MASTL: variants seen among roughly 807,000 people sequenced by gnomAD.
MASTL encodes the protein microtubule associated serine/threonine kinase like, also known as serine/threonine-protein kinase greatwall.
A neutral mutation model predicts 82.5 loss-of-function variants in MASTL; 54 were observed. That is an observed-to-expected ratio of 0.65 (90% CI 0.53 to 0.82). MASTL has a LOEUF of 0.82. Ranked by LOEUF, MASTL falls within the 40% of genes least tolerant of loss-of-function variation. MASTL has a pLI of 0.00. For missense variants in MASTL, 950 were observed against 1,047.8 expected (o/e 0.91, Z 1.29); for synonymous variants, 323 against 368.9 (o/e 0.88, Z 1.43).
At chr10:27,156,922 C>T (rs752271746) in intron 1 of MASTL, among the ~76,000 whole-genome samples, 21 of 146,730 alleles carry the variant, frequency 1.4e-4, no homozygotes, top group Admixed American at 3.4e-4. Context: ...GAGTCTCCTG[C>T]CTCAGCCTCC....
At chr10:27,177,757 TA>T in intron 9 of MASTL, 1 of 791,924 alleles carries the variant, frequency 1.3e-6, no homozygotes, top group Non-Finnish European at 1.5e-6. Context: ...GGGACTCTAA[TA>T]ATTTTAATAC....
In MASTL at chr10:27,165,403, A is replaced by T. The variant is rs1314576540; in HGVS notation, c.675A>T (p.Ala225=). 2 of 1,614,186 alleles carry T rather than the reference A, an allele frequency of 1.2e-6. No homozygotes were observed. The part of the protein sequence containing the change: ...ISSLGFNTPI[A]EKNQDPANIL... Reference sequence around the variant, plus strand: ...CTTTTTAATAGAACACACCAATTGCAGAAAAAAATCAAGACCCTGCAAACA... The same window carrying T: ...CTTTTTAATAGAACACACCAATTGCTGAAAAAAATCAAGACCCTGCAAACA... Residue 225 remains alanine, a synonymous_variant, in exon 6 of 12, where the codon GCA becomes GCT. Transcript: ENST00000375940.
chr10:27,176,593 T>C (rs1469991378), intron 9 of MASTL, among the ~76,000 whole-genome samples: 2 of 152,220 alleles, frequency 1.3e-5, no homozygotes, highest in Non-Finnish European at 2.9e-5. Flanking sequence ...GCTTGTGTAT[T>C]AAACCTTATT....
Position 27,156,250 on chromosome 10 carries a change from C to A in MASTL, c.186+638C>A, listed in dbSNP as rs1427449727. On this transcript the variant is annotated intron_variant, in intron 1 of 11. Transcript: ENST00000375940. ...CGTGTTAGCCAGGATGGTCTCGATT[C>A]CCTGACCTCGTATTCCGCCCGCCTC... 3.9e-5 allele frequency among the ~76,000 whole-genome samples: 6 copies of A among 152,114 alleles called. No individual in the cohort carries two copies. In the East Asian group the frequency reaches 1.2e-3, roughly 29 times the overall value.
In MASTL at chr10:27,159,478, T is replaced by C. The variant is rs2057499371; in HGVS notation, c.325-141T>C. ...TATGGCAACATGAATAAACCTAGTA[T>C]TAATGTATTACGAGTAATAGCAAGA... On this transcript the variant is annotated intron_variant, in intron 2 of 11. Transcript: ENST00000375940. The surrounding 1 kb of genome is among the most constrained non-coding windows in gnomAD (Gnocchi z 4.0). 4 of 625,992 alleles carry C rather than the reference T, an allele frequency of 6.4e-6. No individual in the cohort carries two copies. The highest frequency in any genetic ancestry group is 1.1e-5 in the Non-Finnish European group (4 of 356,314). 38.8% of individuals were successfully genotyped at this position (625,992 alleles called of 1,614,324 possible).
chr10:27,164,966 C>G, intron 4 of MASTL, 98 bp from the exon 5 acceptor site: 2 of 832,042 alleles, frequency 2.4e-6, no homozygotes, highest in East Asian at 2.7e-5. Context: ...ATTTGGTTTA[C>G]AAAAAATTGT....
At chr10:27,156,347 G>GT (rs1198799690) in intron 1 of MASTL, among the ~76,000 whole-genome samples, 2 of 151,578 alleles carry the variant, frequency 1.3e-5, no homozygotes, top group Non-Finnish European at 2.9e-5. Flanking sequence ...AATCCAAAAG[G>GT]TTTTTAGTAA....
At chr10:27,155,224 GA>G (rs2057310121), upstream of MASTL, 6 of 599,252 alleles carry the variant, frequency 1.0e-5, no homozygotes, top group South Asian at 1.2e-4. Context: ...CGCCCACGAA[GA>G]GTGTAAGGCT....
intron 11 of MASTL, among the ~76,000 whole-genome samples, chr10:27,182,417 A>G (rs2058373777): frequency 6.6e-6 from 1 of 152,102 alleles, no homozygotes; most frequent in Non-Finnish European, 1.5e-5. Flanking sequence ...AAAAAAATTT[A>G]GTGTGGTCAA....
At position 27,159,376 on chromosome 10, in the gene MASTL, GC is replaced by G. The variant is rs2057496547; in HGVS notation, c.325-241del. Reference sequence around the variant, plus strand: ...GGCCTCAAGTGATCTGCCCATCTTGGCCTCCCAAAGTGCTGAGATTATAGGC... The same window carrying G: ...GGCCTCAAGTGATCTGCCCATCTTGGCTCCCAAAGTGCTGAGATTATAGGC... On this transcript the variant is annotated intron_variant, in intron 2 of 11. Coordinates refer to ENST00000375940, the MANE Select transcript of MASTL (RefSeq NM_001172303.3). This position sits in a 1 kb window ranked among gnomAD's most constrained non-coding sequence, Gnocchi z 4.0. 6.6e-6 allele frequency among the ~76,000 whole-genome samples: 1 copy of G among 152,078 alleles called. No homozygotes were observed. Among genetic ancestry groups the G allele is most frequent in the African/African-American group, 2.4e-5 (1 of 41,394 alleles).
chr10:27,173,036 T>C, intron 8 of MASTL, 82 bp from the exon 9 acceptor site: 1 of 1,545,814 alleles, frequency 6.5e-7, no homozygotes, highest in Non-Finnish European at 8.9e-7. Flanking sequence ...AGCTAGTTAT[T>C]TGGCTTGTGT....
At chr10:27,156,311 A>G (rs997553366) in intron 1 of MASTL, among the ~76,000 whole-genome samples, 16 of 152,292 alleles carry the variant, frequency 1.1e-4, no homozygotes, top group African/African-American at 2.9e-4. Flanking sequence ...GGCGTGAGCC[A>G]CCGCGCCCGG....
chr10:27,179,546 G>C (rs1312176110), intron 9 of MASTL, among the ~76,000 whole-genome samples: 1 of 152,152 alleles, frequency 6.6e-6, no homozygotes, highest in Non-Finnish European at 1.5e-5. Flanking sequence ...GACAGAGTGA[G>C]AGTCCGTCTC....
In MASTL at chr10:27,165,437, G is replaced by T; in HGVS notation, c.709G>T (p.Ala237Ser). ...TCAAGACCCTGCAAACATCCTTTCAGCCTGTCTGTCTGAAACATCACAGCT... is the reference window on the plus strand; with the variant it reads ...TCAAGACCCTGCAAACATCCTTTCATCCTGTCTGTCTGAAACATCACAGCT... ...KNQDPANILS[A>S]CLSETSQLSQ... is the part of the protein sequence containing the mutation. The change falls in exon 6 of 12, where the codon GCC (alanine) becomes TCC (serine). Residue 237 changes from alanine (A) to serine (S), a missense_variant. Transcript: ENST00000375940. The T allele has an allele frequency of 6.2e-7, 1 of 1,614,076 alleles. No homozygotes were observed. The highest frequency in any genetic ancestry group is 8.5e-7 in the Non-Finnish European group (1 of 1,180,024).
In MASTL at chr10:27,173,158, C is replaced by A. The variant is rs748368433; in HGVS notation, c.2165C>A (p.Thr722Asn). 29 of 1,614,014 alleles carry A rather than the reference C, an allele frequency of 1.8e-5. No homozygotes were observed. The highest frequency in any genetic ancestry group is 2.2e-5 in the Non-Finnish European group (26 of 1,180,034). Residue 722 changes from threonine (T) to asparagine (N), a missense_variant, in exon 9 of 12, where the codon ACT becomes AAT. Thr to Asn is a moderately conservative substitution (Grantham distance 65). Coordinates refer to ENST00000375940, the MANE Select transcript of MASTL (RefSeq NM_001172303.3). ...ATCAAGTCGGGAACTCCATACCGAA[C>A]TCCGAAGAGTGTGAGAAGAGGGGTG... ...NQIKSGTPYRTPKSVRRGVAP... is the reference protein window; with the variant it reads ...NQIKSGTPYRNPKSVRRGVAP...
intron 4 of MASTL, among the ~76,000 whole-genome samples, chr10:27,162,655 C>T (rs975177786): frequency 2.0e-5 from 3 of 151,404 alleles, no homozygotes; most frequent in Admixed American, 6.6e-5. Context: ...GGGGACAGAG[C>T]GATACTCCAT....
Position 27,167,285 on chromosome 10 carries a change from C to T in MASTL, c.984+11C>T. 1.2e-6 allele frequency: 2 copies of T among 1,606,636 alleles called. No individual in the cohort carries two copies. Among genetic ancestry groups the T allele is most frequent in the South Asian group, 2.2e-5 (2 of 90,900 alleles). On this transcript the variant is annotated intron_variant, in intron 7 of 11. Transcript: ENST00000375940. ...GAAAAAGATTGCCAGGTTTGAGGGA[C>T]ATTTATCTTAATGAAAATCAATTAT...
At position 27,159,818 on chromosome 10, in the gene MASTL, G is replaced by C; in HGVS notation, c.464+60G>C. 1 of 1,440,806 alleles carries C rather than the reference G, an allele frequency of 6.9e-7. No individual in the cohort carries two copies. Among genetic ancestry groups the C allele is most frequent in the East Asian group, 2.3e-5 (1 of 43,922 alleles). The allele number at this position is 1,440,806 out of a possible 1,614,324, so 89.3% of individuals were successfully genotyped here. On this transcript the variant is annotated intron_variant, in intron 3 of 11. Coordinates refer to ENST00000375940, the MANE Select transcript of MASTL (RefSeq NM_001172303.3). The surrounding 1 kb of genome is among the most constrained non-coding windows in gnomAD (Gnocchi z 4.0). ...ATTCAAGTAATCAAATTACATATTT[G>C]AGTCTCAGATATTCACAGTAACCAC... is the stretch of plus-strand genomic sequence containing the variant.
intron 4 of MASTL, among the ~76,000 whole-genome samples, chr10:27,162,353 T>A (rs2057597099): frequency 6.6e-6 from 1 of 152,160 alleles, no homozygotes; most frequent in African/African-American, 2.4e-5. Flanking sequence ...AATGATTGAT[T>A]ATCAACTTAG....
Sources: gnomAD v4.1 joint callset for allele counts (sites outside exome capture counted in the v4.1 genomes callset) on GRCh38, gnomAD v4.1.1 for gene constraint, Gnocchi (gnomAD v3.1) non-coding constraint, MANE v1.5 for transcripts, NCBI Gene and HGNC (gene_info 2026-07-23, HGNC 2026-07-21) for gene names.